TPM2: variants seen among roughly 807,000 people sequenced by gnomAD.
TPM2 encodes tropomyosin 2.
TPM2 carries 26 observed loss-of-function variants against 41.0 expected under a neutral mutation model. The observed-to-expected ratio is 0.63, with a 90% CI of 0.46 to 0.88. The LOEUF (loss-of-function observed/expected upper bound fraction) is 0.88, where lower values mean the gene tolerates loss of function less well. Among genes scored for constraint, TPM2 ranks in the 40% least tolerant of loss-of-function variants. The pLI, the probability that TPM2 is intolerant of heterozygous loss-of-function variation, is 0.00. For missense variants in TPM2, 187 were observed against 355.2 expected (o/e 0.53, Z 3.81); for synonymous variants, 143 against 139.3 (o/e 1.03, Z -0.19).
Position 35,683,015 on chromosome 9 carries a change from C to T in TPM2, c.*144G>A. 6.5e-7 allele frequency: 1 copy of T among 1,543,050 alleles called. No homozygotes were observed. Among genetic ancestry groups the T allele is most frequent in the Non-Finnish European group, 8.8e-7 (1 of 1,142,270 alleles). ...AGCCAGTGCCAGAGTGGGTGGTGGG[C>T]ATGATGGGGGCTCTCCCTAGGCTGC... On this transcript the variant is annotated 3_prime_UTR_variant, in exon 9 of 9. Coordinates refer to ENST00000645482, the MANE Select transcript of TPM2 (RefSeq NM_003289.4).
At chr9:35,689,594 T>C (rs1825135650) in intron 1 of TPM2, 110 bp downstream of exon 1, 4 of 1,580,262 alleles carry the variant, frequency 2.5e-6, no homozygotes, top group Admixed American at 1.7e-5. Context: ...GCCCCCACCC[T>C]GGGTGAGAGA....
chr9:35,682,569 T>C (rs918855547), downstream of TPM2: 8 of 1,237,794 alleles, frequency 6.5e-6, no homozygotes, highest in African/African-American at 1.1e-4. Context: ...CCAACATTTT[T>C]CCAAGCTCCA....
rs1392371188 is a variant in TPM2 at position 35,685,353 on chromosome 9, G to C, written c.493-14C>G. The C allele has an allele frequency of 1.9e-6, 3 of 1,614,082 alleles. No individual in the cohort carries two copies. Among genetic ancestry groups the C allele is most frequent in the East Asian group, 2.2e-5 (1 of 44,890 alleles). On this transcript the variant is annotated splice_polypyrimidine_tract_variant and intron_variant, in intron 4 of 8. Transcript: ENST00000645482. This position sits in a 1 kb window ranked among gnomAD's most constrained non-coding sequence, Gnocchi z 5.0. Reference sequence around the variant, plus strand: ...CTTCCTGGCCACCTGTGGGGAGTGAGAAAGAGAGGGTAGATCAGTGGAGAA... The same window carrying C: ...CTTCCTGGCCACCTGTGGGGAGTGACAAAGAGAGGGTAGATCAGTGGAGAA...
chr9:35,682,226 G>A, downstream of TPM2: 1 of 1,556,542 alleles, frequency 6.4e-7, no homozygotes, highest in South Asian at 1.1e-5. Flanking sequence ...GGGGAGGCAG[G>A]GCCAGGGGAA....
rs565802431 is a variant in TPM2, at chr9:35,684,450, G to A, written c.702+38C>T. ...GCCGTCTCTGGCAAGGATTAGGGTG[G>A]CTTGAGGGGAGACTGGGAACTGGAA... On this transcript the variant is annotated intron_variant, in intron 7 of 8. Transcript: ENST00000645482. 128 of 1,613,558 alleles carry A rather than the reference G, an allele frequency of 7.9e-5. 3 individuals are homozygous for A. The South Asian group carries it at 1.3e-3, about 17-fold the overall frequency.
At position 35,684,150 on chromosome 9, in the gene TPM2, C is replaced by A. The variant is rs564055220; in HGVS notation, c.772+96G>T. The A allele has an allele frequency of 3.9e-5, 52 of 1,323,440 alleles. 1 individual carries two copies. In the East Asian group the frequency reaches 1.2e-3, roughly 31 times the overall value. 82.0% of individuals were successfully genotyped at this position (1,323,440 alleles called of 1,614,324 possible). A position where few individuals can be genotyped will look rare whatever the true frequency, so the allele number is the denominator to read the frequency against. On this transcript the variant is annotated intron_variant, in intron 8 of 8. Transcript: ENST00000645482. Reference sequence around the variant, plus strand: ...TTGGTAGGGTCCTAGGTGGCCCAACCCTAGTTTATTGGTGGCAAATAAAAT... The same window carrying A: ...TTGGTAGGGTCCTAGGTGGCCCAACACTAGTTTATTGGTGGCAAATAAAAT...
At chr9:35,688,732 T>C (rs1003217306) in intron 2 of TPM2, among the ~76,000 whole-genome samples, 2 of 152,052 alleles carry the variant, frequency 1.3e-5, no homozygotes, top group African/African-American at 4.8e-5. Context: ...CATCTCTGGA[T>C]CCCTCTCCCT....
intron 6 of TPM2, 26 bp from the exon 7 acceptor site, chr9:35,684,576 A>G (rs1398164544): frequency 3.1e-6 from 5 of 1,613,900 alleles, no homozygotes; most frequent in South Asian, 2.2e-5. Context: ...ACACGCCATC[A>G]GTACAGCGCT....
intron 2 of TPM2, among the ~76,000 whole-genome samples, chr9:35,687,188 C>A (rs916113991): frequency 2.6e-5 from 4 of 152,176 alleles, no homozygotes; most frequent in African/African-American, 9.7e-5. Flanking sequence ...TAAAACTAAA[C>A]AGGTTCTCTT....
At chr9:35,682,446 G>A, downstream of TPM2, 1 of 1,305,628 alleles carries the variant, frequency 7.7e-7, no homozygotes, top group Non-Finnish European at 1.0e-6. Flanking sequence ...GTTTAAGGAA[G>A]TTGGAGACAG....
chr9:35,682,745 G>A (rs1025842970), downstream of TPM2: 23 of 1,319,340 alleles, frequency 1.7e-5, no homozygotes, highest in Non-Finnish European at 2.1e-5. Context: ...CACATGCAGT[G>A]GTGAATCAGA....
chr9:35,688,734 C>T (rs1188159731), intron 2 of TPM2, among the ~76,000 whole-genome samples: 1 of 152,126 alleles, frequency 6.6e-6, no homozygotes, highest in Non-Finnish European at 1.5e-5. Context: ...TCTCTGGATC[C>T]CTCTCCCTCC....
In TPM2 at chr9:35,685,103, C is replaced by T. The variant is rs755050924; in HGVS notation, c.563+166G>A. 10 of 1,614,062 alleles carry T rather than the reference C, an allele frequency of 6.2e-6. No individual in the cohort carries two copies. The highest frequency in any genetic ancestry group is 8.5e-6 in the Non-Finnish European group (10 of 1,180,034). ...CCATCAGGGACTTGAGGGCCTGGTC[C>T]ATGGTTCGAAGTTCCTCCTCCAGCT... On this transcript the variant is annotated intron_variant, in intron 5 of 8. Transcript: ENST00000645482. This position sits in a 1 kb window ranked among gnomAD's most constrained non-coding sequence, Gnocchi z 5.0.
downstream of TPM2, chr9:35,682,283 CG>C: frequency 8.8e-7 from 1 of 1,137,282 alleles, no homozygotes; most frequent in Non-Finnish European, 1.3e-6. Context: ...CATGCATTCA[CG>C]GACCTCAGGG....
intron 1 of TPM2, 57 bp downstream of exon 1, chr9:35,689,647 C>A (rs1482847381): frequency 9.4e-6 from 15 of 1,603,286 alleles, no homozygotes; most frequent in Non-Finnish European, 1.3e-5. Context: ...CCCATGGCAG[C>A]GGCCCACCCT....
chr9:35,688,939 G>A (rs373481667), intron 2 of TPM2, among the ~76,000 whole-genome samples: 1 of 152,180 alleles, frequency 6.6e-6, no homozygotes, highest in African/African-American at 2.4e-5. Flanking sequence ...AAGTCCTCTG[G>A]GGGAAGTGGT....
Position 35,683,241 on chromosome 9 carries a change from T to TC in TPM2, c.773-1dup (p.Asp258GlyfsTer2), listed in dbSNP as rs1332570065. On this transcript the variant is annotated frameshift_variant and splice_region_variant. Coordinates refer to ENST00000645482, the MANE Select transcript of TPM2 (RefSeq NM_003289.4). LOFTEE classifies it high-confidence loss of function. ...CTTCATCTTCTGGGCATAGACTTCA[T>TC]CTGGGGGGGGTCCAGGGAGGGGACC... 1 of 1,483,000 alleles carries TC rather than the reference T, an allele frequency of 6.7e-7. No individual in the cohort carries two copies. The highest frequency in any genetic ancestry group is 9.2e-7 in the Non-Finnish European group (1 of 1,091,456). The allele number at this position is 1,483,000 out of a possible 1,614,324, so 91.9% of individuals were successfully genotyped here.
intron 8 of TPM2, among the ~76,000 whole-genome samples, chr9:35,683,814 C>A (rs1374187583): frequency 6.6e-6 from 1 of 152,186 alleles, no homozygotes; most frequent in African/African-American, 2.4e-5. Flanking sequence ...AGTCCAACAG[C>A]TCTCTAGTTA....
chr9:35,682,374 G>T, downstream of TPM2: 1 of 993,738 alleles, frequency 1.0e-6, no homozygotes. Flanking sequence ...CAAGGCCTTG[G>T]GGTCATAGAG....
Sources: allele counts gnomAD v4.1 joint callset (sites outside exome capture counted in the v4.1 genomes callset), GRCh38; gene constraint gnomAD v4.1.1; non-coding constraint Gnocchi (gnomAD v3.1); transcripts MANE v1.5; gene names NCBI Gene and HGNC (gene_info 2026-07-23, HGNC 2026-07-21).